Variants in SYNGR1 observed in about 807,000 individuals in gnomAD.
The protein encoded by SYNGR1 is synaptogyrin 1.
SYNGR1 carries 14 observed loss-of-function variants against 26.1 expected under a neutral mutation model. That is an observed-to-expected ratio of 0.54 (90% CI 0.35 to 0.84). The LOEUF (loss-of-function observed/expected upper bound fraction) is 0.84. Ranked by LOEUF, SYNGR1 falls within the 40% of genes least tolerant of loss-of-function variation. The pLI is 0.01. For missense variants in SYNGR1, 319 were observed against 332.9 expected (o/e 0.96, Z 0.33); for synonymous variants, 141 against 150.1 (o/e 0.94, Z 0.44).
chr22:39,364,054 C>T (rs76604999), intron 1 of SYNGR1: 568 of 1,400,794 alleles, frequency 4.1e-4, no homozygotes, highest in Non-Finnish European at 5.3e-4. Flanking sequence ...CGTTAGCCGA[C>T]GCCCTGCAGT....
intron 1 of SYNGR1, among the ~76,000 whole-genome samples, chr22:39,362,885 C>T (rs1924553290): frequency 6.6e-6 from 1 of 152,150 alleles, no homozygotes; most frequent in African/African-American, 2.4e-5. Flanking sequence ...CAAAGCCTTT[C>T]CTGACCCTCT....
At chr22:39,361,506 C>T (rs777575540) in intron 1 of SYNGR1, among the ~76,000 whole-genome samples, 2 of 151,998 alleles carry the variant, frequency 1.3e-5, no homozygotes, top group Non-Finnish European at 2.9e-5. Context: ...TACAGGCATC[C>T]ACCACCATGC....
At chr22:39,362,453 C>A (rs1474264219) in intron 1 of SYNGR1, among the ~76,000 whole-genome samples, 1 of 152,078 alleles carries the variant, frequency 6.6e-6, no homozygotes, top group African/African-American at 2.4e-5. Flanking sequence ...ACCTGCCCCA[C>A]CCCCACCTTT....
At chr22:39,367,040 G>T (rs1038045340) in intron 1 of SYNGR1, among the ~76,000 whole-genome samples, 2 of 152,184 alleles carry the variant, frequency 1.3e-5, no homozygotes, top group African/African-American at 4.8e-5. Flanking sequence ...CCCTGGGCTC[G>T]GGTCCCTCAC....
At chr22:39,354,528 A>C (rs559799499) in intron 1 of SYNGR1, among the ~76,000 whole-genome samples, 34 of 152,162 alleles carry the variant, frequency 2.2e-4, no homozygotes, top group African/African-American at 7.7e-4. Flanking sequence ...CCATCATCCC[A>C]AGTGAACACT....
At position 39,374,465 on chromosome 22, in the gene SYNGR1, G is replaced by A. The variant is rs775005783; in HGVS notation, c.249G>A (p.Leu83=). The change falls in exon 2 of 4, where the codon CTG becomes CTA. Residue 83 remains leucine, a synonymous_variant. Transcript: ENST00000328933. ...AVGVLAFLTC[L]LYLALDVYFP... Reference sequence around the variant, plus strand: ...GCGTGCTCGCCTTCCTCACCTGCCTGCTGTACCTGGCCCTGGACGTGTACT... The same window carrying A: ...GCGTGCTCGCCTTCCTCACCTGCCTACTGTACCTGGCCCTGGACGTGTACT... 6.2e-7 allele frequency: 1 copy of A among 1,613,952 alleles called. No homozygotes were observed. The highest frequency in any genetic ancestry group is 1.1e-5 in the South Asian group (1 of 91,090).
At chr22:39,375,618 G>C in intron 2 of SYNGR1, 1 of 458,170 alleles carries the variant, frequency 2.2e-6, no homozygotes, top group Non-Finnish European at 3.9e-6. Flanking sequence ...GCAGCCTGAG[G>C]GTTGGGGTCT....
intron 1 of SYNGR1, among the ~76,000 whole-genome samples, chr22:39,363,383 A>G (rs1189036767): frequency 6.6e-6 from 1 of 151,996 alleles, no homozygotes; most frequent in Non-Finnish European, 1.5e-5. Context: ...GGCTGCTGTC[A>G]TTGCCTGGAG....
chr22:39,362,709 G>T (rs1924539387), intron 1 of SYNGR1, among the ~76,000 whole-genome samples: 2 of 152,170 alleles, frequency 1.3e-5, no homozygotes, highest in Admixed American at 1.3e-4. Flanking sequence ...GGTTCAGCTT[G>T]TGGGGAGAGG....
rs1460804075 is a variant in SYNGR1 at position 39,384,716 on chromosome 22, TC to T, written c.*2804del. On this transcript the variant is annotated 3_prime_UTR_variant, in exon 4 of 4. Transcript: ENST00000328933. ...CAAAGCTTTCCTTGGAGAAGGGCCC[TC>T]CTGCAGCTGGACCCTGCAGGGTGGC... 4 of 398,976 alleles carry T rather than the reference TC, an allele frequency of 1.0e-5. No homozygotes were observed. The highest frequency in any genetic ancestry group is 1.8e-5 in the Non-Finnish European group (4 of 226,092). The allele number at this position is 398,976 out of a possible 1,614,324, so 24.7% of individuals were successfully genotyped here.
intron 1 of SYNGR1, among the ~76,000 whole-genome samples, chr22:39,371,389 T>A (rs1421300556): frequency 2.7e-5 from 4 of 148,996 alleles, no homozygotes; most frequent in African/African-American, 1.0e-4. Context: ...GGCAGGAGAA[T>A]CGCTTGAACC....
At chr22:39,360,014 G>A (rs1010537201) in intron 1 of SYNGR1, among the ~76,000 whole-genome samples, 4 of 151,978 alleles carry the variant, frequency 2.6e-5, no homozygotes, top group Non-Finnish European at 4.4e-5. Context: ...GTCTCCCTCC[G>A]CACCTCCCAG....
At chr22:39,351,162 C>T (rs1007575887) in intron 1 of SYNGR1, among the ~76,000 whole-genome samples, 2 of 152,204 alleles carry the variant, frequency 1.3e-5, no homozygotes, top group African/African-American at 4.8e-5. Flanking sequence ...ACTCGAGGTT[C>T]TGGCCTCTGC....
At chr22:39,379,666 C>T (rs1925434756) in intron 3 of SYNGR1, 2 of 151,922 alleles carry the variant, frequency 1.3e-5, no homozygotes, top group South Asian at 4.2e-4. Flanking sequence ...AGGAAATGCC[C>T]AGTCACTGGG....
chr22:39,376,063 T>G lies in SYNGR1; in HGVS notation c.349T>G (p.Phe117Val), dbSNP rs747668697. 49 of 1,614,164 alleles carry G rather than the reference T, an allele frequency of 3.0e-5. 1 individual carries two copies. The highest frequency in any genetic ancestry group is 1.8e-4 in the South Asian group (16 of 91,082). Reference protein sequence around the residue: ...SDIGVSAFWAFLWFVGFCYLA... With the variant: ...SDIGVSAFWAVLWFVGFCYLA... Reference sequence around the variant, plus strand: ...CTGGGACCCCCCAGCCTTCTGGGCTTTCCTCTGGTTCGTGGGATTCTGCTA... The same window carrying G: ...CTGGGACCCCCCAGCCTTCTGGGCTGTCCTCTGGTTCGTGGGATTCTGCTA... The change falls in exon 3 of 4, where the codon TTC becomes GTC. Residue 117 changes from phenylalanine to valine, a missense_variant. Transcript: ENST00000328933.
Position 39,366,652 on chromosome 22 carries a change from A to G in SYNGR1, c.100-7664A>G, listed in dbSNP as rs1924773980. Among the ~76,000 whole-genome samples, 3 of 151,800 alleles carry G rather than the reference A, an allele frequency of 2.0e-5. No individual in the cohort carries two copies. The South Asian group carries it at 6.3e-4, about 32-fold the overall frequency. On this transcript the variant is annotated intron_variant, in intron 1 of 3. Transcript: ENST00000328933. The stretch of plus-strand genomic sequence containing the variant: ...CAGAGCGAGACTCCATCTCAAAAAT[A>G]TATATATATATTCAGCACCCACCAC...
rs1172050518 is a variant in SYNGR1 at position 39,350,715 on chromosome 22, G to A, written c.99+606G>A. Among the ~76,000 whole-genome samples, 1 of 152,194 alleles carries A rather than the reference G, an allele frequency of 6.6e-6. No individual in the cohort carries two copies. The highest frequency in any genetic ancestry group is 1.5e-5 in the Non-Finnish European group (1 of 68,032). On this transcript the variant is annotated intron_variant, in intron 1 of 3. Transcript: ENST00000328933. The surrounding 1 kb of genome is among the most constrained non-coding windows in gnomAD (Gnocchi z 4.3). The stretch of plus-strand genomic sequence containing the variant: ...TGGGAGCCACCCAGGAAATGTTCTC[G>A]AGAAATGAGGACTTCAATTCCGAGG...
At chr22:39,370,879 C>T (rs535426779) in intron 1 of SYNGR1, among the ~76,000 whole-genome samples, 25 of 152,150 alleles carry the variant, frequency 1.6e-4, no homozygotes, top group African/African-American at 6.0e-4. Flanking sequence ...TCTTGGTCTC[C>T]CAAAGTGCTG....
intron 1 of SYNGR1, among the ~76,000 whole-genome samples, chr22:39,355,794 G>A (rs1403968291): frequency 6.6e-6 from 1 of 152,168 alleles, no homozygotes; most frequent in Non-Finnish European, 1.5e-5. Flanking sequence ...GAGGCAGGTG[G>A]ATCACCTGAG....
Sources: allele counts gnomAD v4.1 joint callset (sites outside exome capture counted in the v4.1 genomes callset), GRCh38; gene constraint gnomAD v4.1.1; non-coding constraint Gnocchi (gnomAD v3.1); transcripts MANE v1.5; gene names NCBI Gene and HGNC (gene_info 2026-07-23, HGNC 2026-07-21).